The following DCDC2 variants were observed in gnomAD, a reference collection of about 807,000 sequenced individuals.
DCDC2 encodes doublecortin domain-containing protein 2.
DCDC2 carries 40 observed loss-of-function variants against 50.2 expected under a neutral mutation model. The observed-to-expected ratio is 0.80, with a 90% confidence interval of 0.62 to 1.04. The LOEUF is 1.04. DCDC2 is among the 50% of genes least tolerant of loss of function. The probability of loss-of-function intolerance (pLI) is 0.00; values close to 1 mark genes in which losing one functional copy is unlikely to be tolerated. For synonymous variants in DCDC2, 234 were observed against 210.6 expected, an observed-to-expected ratio of 1.11 and a Z score of -0.96; for missense variants, 570 against 581.9, an observed-to-expected ratio of 0.98 and a Z score of 0.21.
chr6:24,230,583 G>A (rs769042329), intron 7 of DCDC2, among the ~76,000 whole-genome samples: 2 of 152,162 alleles, frequency 1.3e-5, no homozygotes, highest in Non-Finnish European at 2.9e-5. Context: ...GTTCGAGGCT[G>A]CAGTGAGCTA....
chr6:24,184,044 T>C (rs1312573974), intron 8 of DCDC2, among the ~76,000 whole-genome samples: 1 of 152,214 alleles, frequency 6.6e-6, no homozygotes, highest in African/African-American at 2.4e-5. Flanking sequence ...TTGTTTCTTA[T>C]ACCCATTAGA....
chr6:24,337,844 C>T (rs1760086809), intron 2 of DCDC2, among the ~76,000 whole-genome samples: 2 of 150,828 alleles, frequency 1.3e-5, no homozygotes, highest in African/African-American at 4.9e-5. Flanking sequence ...AATATTTTAT[C>T]CCTTTTCTGG....
chr6:24,179,919 A>G lies in DCDC2; in HGVS notation c.1024-1287T>C, dbSNP rs187785457. Among the ~76,000 whole-genome samples the G allele has an allele frequency of 3.5e-3, 405 of 114,834 alleles. 4 individuals are homozygous for G. In the South Asian group the frequency reaches 0.059, roughly 17 times the overall value. The allele number at this position is 114,834 out of a possible 152,430, so 75.3% of individuals were successfully genotyped here. ...CAGTGAGCCCAGATAGTGCTACTGT[A>G]CTCCAGCCTGGGCGACAGAGCAAGA... On this transcript the variant is annotated intron_variant, in intron 8 of 9. Coordinates refer to ENST00000378454, the MANE Select transcript of DCDC2 (RefSeq NM_016356.5).
intron 7 of DCDC2, among the ~76,000 whole-genome samples, chr6:24,231,994 CAT>C (rs755739865): frequency 0.064 from 7,243 of 113,016 alleles, 257 homozygotes; most frequent in African/African-American, 0.11. Context: ...TTAGTAATTT[CAT>C]ATATATATAC....
chr6:24,185,700 C>CAT (rs1320500903), intron 8 of DCDC2, among the ~76,000 whole-genome samples: 19 of 83,386 alleles, frequency 2.3e-4, no homozygotes, highest in Middle Eastern at 6.1e-3. Context: ...CACACACACA[C>CAT]ACACACACAC....
intron 2 of DCDC2, among the ~76,000 whole-genome samples, chr6:24,351,515 AG>A (rs1760372050): frequency 6.6e-6 from 1 of 152,152 alleles, no homozygotes; most frequent in African/African-American, 2.4e-5. Flanking sequence ...CTCCTTTAGA[AG>A]GGTTTATGGG....
Position 24,178,354 on chromosome 6 carries a change from T to C in DCDC2, c.1302A>G (p.Gln434=). 1 of 1,613,908 alleles carries C rather than the reference T, an allele frequency of 6.2e-7. No homozygotes were observed. The highest frequency in any genetic ancestry group is 8.5e-7 in the Non-Finnish European group (1 of 1,179,828). ...CCTCATCTTGTCCACTGCCAGCTCC[T>C]TGAGACTTTCTTTCCTTGTCTAGGA... ...QLVLDKERKS[Q]GAGSGQDEAD... Residue 434 remains glutamine (Q), a synonymous_variant, in exon 9 of 10, where the codon CAA becomes CAG. Coordinates refer to ENST00000378454, the MANE Select transcript of DCDC2 (RefSeq NM_016356.5).
chr6:24,273,499 A>G lies in DCDC2; in HGVS notation c.922+4550T>C, dbSNP rs79975120. On this transcript the variant is annotated intron_variant, in intron 7 of 9. Coordinates refer to ENST00000378454, the MANE Select transcript of DCDC2 (RefSeq NM_016356.5). ...ATGTGGTGGCAAGAGACACCAATGA[A>G]TCATAAATCTTACCTTAGCTTATTA... Among the ~76,000 whole-genome samples the G allele has an allele frequency of 6.9e-4, 105 of 152,362 alleles. No individual in the cohort carries two copies. The East Asian group carries it at 0.018, about 26-fold the overall frequency.
the DCDC2 span, among the ~76,000 whole-genome samples, chr6:24,380,644 G>A: frequency 1.3e-5 from 2 of 152,056 alleles, no homozygotes; most frequent in African/African-American, 2.4e-5. Context: ...TCTTATACAT[G>A]CTAGTTTCTG....
chr6:24,192,142 A>G (rs941950227), intron 8 of DCDC2, among the ~76,000 whole-genome samples: 1 of 152,138 alleles, frequency 6.6e-6, no homozygotes, highest in African/African-American at 2.4e-5. Flanking sequence ...TAGGGAAACG[A>G]CTCAAGTATA....
chr6:24,214,984 G>C (rs1367821985), intron 7 of DCDC2, among the ~76,000 whole-genome samples: 1 of 152,188 alleles, frequency 6.6e-6, no homozygotes, highest in Admixed American at 6.5e-5. Context: ...GCCACAGAAA[G>C]ATGAACAAGG....
intron 5 of DCDC2, among the ~76,000 whole-genome samples, chr6:24,289,961 CAGAGCT>C (rs1443291052): frequency 7.6e-6 from 1 of 132,280 alleles, no homozygotes; most frequent in Non-Finnish European, 1.6e-5. Flanking sequence ...CAGCATGGGC[CAGAGCT>C]CTTCTTTTTT....
At chr6:24,349,032 T>C (rs922478532) in intron 2 of DCDC2, among the ~76,000 whole-genome samples, 11 of 152,206 alleles carry the variant, frequency 7.2e-5, no homozygotes, top group Admixed American at 3.3e-4. Context: ...AAGAATGTCA[T>C]TAATTCCACC....
At chr6:24,258,916 T>C (rs928110439) in intron 7 of DCDC2, among the ~76,000 whole-genome samples, 1 of 152,212 alleles carries the variant, frequency 6.6e-6, no homozygotes, top group Non-Finnish European at 1.5e-5. Context: ...CTATAAAACC[T>C]GAACCCTCCC....
At chr6:24,199,415 A>T (rs551135629) in intron 8 of DCDC2, among the ~76,000 whole-genome samples, 1 of 152,338 alleles carries the variant, frequency 6.6e-6, no homozygotes, top group South Asian at 2.1e-4. Context: ...CCTGCAGCAG[A>T]GGGGCCTGAC....
chr6:24,265,482 A>G (rs1404804391), intron 7 of DCDC2, among the ~76,000 whole-genome samples: 1 of 152,182 alleles, frequency 6.6e-6, no homozygotes, highest in Non-Finnish European at 1.5e-5. Context: ...CACCACATGG[A>G]TCATTCTCAA....
chr6:24,313,321 A>G (rs138657804), intron 2 of DCDC2, among the ~76,000 whole-genome samples: 3 of 152,330 alleles, frequency 2.0e-5, no homozygotes, highest in African/African-American at 4.8e-5. Context: ...AAAAATAACC[A>G]ATTAACTCAA....
intron 2 of DCDC2, among the ~76,000 whole-genome samples, chr6:24,350,713 G>C (rs1561784450): frequency 2.0e-5 from 3 of 152,178 alleles, no homozygotes; most frequent in Non-Finnish European, 4.4e-5. Flanking sequence ...AAGTATTCAT[G>C]TTCTAAATCC....
chr6:24,231,304 A>G (rs968892885), intron 7 of DCDC2, among the ~76,000 whole-genome samples: 2 of 151,950 alleles, frequency 1.3e-5, no homozygotes, highest in Non-Finnish European at 2.9e-5. Flanking sequence ...CACCAAGAGG[A>G]CTCTGGCCCC....
Sources: gnomAD v4.1 joint callset for allele counts (sites outside exome capture counted in the v4.1 genomes callset) on GRCh38, gnomAD v4.1.1 for gene constraint, MANE v1.5 for transcripts, NCBI Gene and HGNC (gene_info 2026-07-23, HGNC 2026-07-21) for gene names.